Variants in ZNF451 observed in about 807,000 individuals in gnomAD.
ZNF451 encodes the protein zinc finger protein 451.
ZNF451 carries 80 observed loss-of-function variants against 107.1 expected under a neutral mutation model. That is an observed-to-expected ratio of 0.75 (90% CI 0.62 to 0.90). The LOEUF (loss-of-function observed/expected upper bound fraction) is 0.90. Ranked by LOEUF, ZNF451 falls within the 40% of genes least tolerant of loss-of-function variation. The pLI is 0.00. For missense variants in ZNF451, 1,107 were observed against 1,236.2 expected (o/e 0.90, Z 1.57); for synonymous variants, 362 against 406.5 (o/e 0.89, Z 1.32).
rs1187893953 is a variant in ZNF451, at chr6:57,117,309, GT to G, written c.187-7421del. On this transcript the variant is annotated intron_variant, in intron 3 of 14. Coordinates refer to ENST00000370706, the MANE Select transcript of ZNF451 (RefSeq NM_001031623.3). The stretch of plus-strand genomic sequence containing the variant: ...TGAGCTTCATACGGGCACTCAAAAA[GT>G]TTTGGATTTTAGAGCATTTTTTTTT... Among the ~76,000 whole-genome samples the G allele has an allele frequency of 5.3e-3, 704 of 132,230 alleles. 15 individuals are homozygous for G. The highest frequency in any genetic ancestry group is 7.7e-4 in the Non-Finnish European group (49 of 63,686). The allele number at this position is 132,230 out of a possible 152,430, so 86.7% of individuals were successfully genotyped here.
Position 57,161,151 on chromosome 6 carries a change from A to G in ZNF451, c.3138A>G (p.Glu1046=). The G allele has an allele frequency of 2.7e-6, 4 of 1,508,600 alleles. No homozygotes were observed. The highest frequency in any genetic ancestry group is 3.5e-6 in the Non-Finnish European group (4 of 1,127,768). 93.5% of individuals were successfully genotyped at this position (1,508,600 alleles called of 1,614,324 possible). Residue 1046 remains glutamate, a splice_region_variant and synonymous_variant, in exon 14 of 15, where the codon GAA becomes GAG. Coordinates refer to ENST00000370706, the MANE Select transcript of ZNF451 (RefSeq NM_001031623.3). Reference sequence around the variant, plus strand: ...TAGGAGAAGAATTTATATCCACAGAAGGTAACCTAATAGAGTTAATCTCTT... The same window carrying G: ...TAGGAGAAGAATTTATATCCACAGAGGGTAACCTAATAGAGTTAATCTCTT... The part of the protein sequence containing the change: ...TSIGEEFIST[E]DVELEEAIRR...
intron 7 of ZNF451, among the ~76,000 whole-genome samples, chr6:57,137,634 G>T (rs984242343): frequency 6.6e-6 from 1 of 152,078 alleles, no homozygotes; most frequent in Non-Finnish European, 1.5e-5. Context: ...GTGTGATAGT[G>T]GTGGTCGATA....
chr6:57,102,238 A>T, intron 3 of ZNF451: 1 of 1,381,974 alleles, frequency 7.2e-7, no homozygotes. Context: ...TGACATTTGA[A>T]TTCTAGACTT....
chr6:57,168,409 G>GT lies in ZNF451; in HGVS notation c.3140-8dup, dbSNP rs1763996314. The GT allele has an allele frequency of 6.3e-7, 1 of 1,591,840 alleles. No homozygotes were observed. Among genetic ancestry groups the GT allele is most frequent in the South Asian group, 1.1e-5 (1 of 88,966 alleles). On this transcript the variant is annotated splice_polypyrimidine_tract_variant and intron_variant, in intron 14 of 14. Coordinates refer to ENST00000370706, the MANE Select transcript of ZNF451 (RefSeq NM_001031623.3). ...TCTGCCCTAAGTGTTAAAATTCTAT[G>GT]TTTTTTAATGCAGATGTGGAATTAG...
chr6:57,136,551 T>G (rs1831436711), intron 7 of ZNF451, among the ~76,000 whole-genome samples: 1 of 152,138 alleles, frequency 6.6e-6, no homozygotes, highest in Non-Finnish European at 1.5e-5. Flanking sequence ...GGGTTATCCA[T>G]TTCCATGACA....
At chr6:57,129,653 T>C (rs571064798) in intron 5 of ZNF451, among the ~76,000 whole-genome samples, 1 of 152,286 alleles carries the variant, frequency 6.6e-6, no homozygotes, top group Admixed American at 6.5e-5. Flanking sequence ...ATAAAAGAAT[T>C]CTAATAATTT....
chr6:57,108,753 G>A (rs554002872), intron 3 of ZNF451: 1 of 985,326 alleles, frequency 1.0e-6, no homozygotes, highest in Non-Finnish European at 1.2e-6. Flanking sequence ...TGGGAAGGCA[G>A]TAGAAGAAAG....
At position 57,161,121 on chromosome 6, in the gene ZNF451, T is replaced by C. The variant is rs768309499; in HGVS notation, c.3108T>C (p.Thr1036=). The C allele has an allele frequency of 6.4e-7, 1 of 1,559,674 alleles. No homozygotes were observed. The highest frequency in any genetic ancestry group is 8.6e-7 in the Non-Finnish European group (1 of 1,157,900). Residue 1036 remains threonine (T), a synonymous_variant, in exon 14 of 15, where the codon ACT becomes ACC. Transcript: ENST00000370706. ...DSDDNMGAKN[T]SIGEEFISTE... is the part of the protein sequence containing the mutation. ...ATGATAACATGGGTGCCAAAAATAC[T>C]TCAATAGGAGAAGAATTTATATCCA...
intron 3 of ZNF451, chr6:57,101,358 C>A: frequency 6.4e-7 from 1 of 1,550,656 alleles, no homozygotes; most frequent in Non-Finnish European, 8.7e-7. Context: ...TTTTTAAAGA[C>A]CCTGCTGATT....
chr6:57,114,968 CTG>C (rs1389099931), intron 3 of ZNF451: 1 of 152,132 alleles, frequency 6.6e-6, no homozygotes, highest in African/African-American at 2.4e-5. Context: ...CACTTAAAAA[CTG>C]CAAGTGTTGC....
Position 57,141,354 on chromosome 6 carries a change from G to GT in ZNF451, c.759dup (p.Ala254CysfsTer10). On this transcript the variant is annotated frameshift_variant, in exon 8 of 15. Coordinates refer to ENST00000370706, the MANE Select transcript of ZNF451 (RefSeq NM_001031623.3). LOFTEE classifies it high-confidence loss of function. The stretch of plus-strand genomic sequence containing the variant: ...AACCTTCTTCCTCAGATTATTCAGT[G>GT]TTTTGCATGTCCAAATTGCTTCCTT... 2 of 1,613,178 alleles carry GT rather than the reference G, an allele frequency of 1.2e-6. No individual in the cohort carries two copies. Among genetic ancestry groups the GT allele is most frequent in the Non-Finnish European group, 1.7e-6 (2 of 1,179,560 alleles).
intron 13 of ZNF451, among the ~76,000 whole-genome samples, chr6:57,155,447 T>C (rs375305916): frequency 1.9e-4 from 29 of 152,254 alleles, no homozygotes; most frequent in African/African-American, 6.7e-4. Flanking sequence ...GATTGCACCA[T>C]TGCGCTCCAG....
In ZNF451 at chr6:57,124,734, G is replaced by A. The variant is rs1475517070; in HGVS notation, c.187G>A (p.Glu63Lys). 1.3e-6 allele frequency: 2 copies of A among 1,580,884 alleles called. No individual in the cohort carries two copies. The highest frequency in any genetic ancestry group is 1.7e-6 in the Non-Finnish European group (2 of 1,152,884). ...AATGAAAATTTTTTTCATGTTATAG[G>A]AGAATATTAAACGTAAAGACCATAT... Reference protein sequence around the residue: ...DEEPSTSYTDENIKRKDHIDY... With the variant: ...DEEPSTSYTDKNIKRKDHIDY... The change falls in exon 4 of 15, where the codon GAG becomes AAG. Residue 63 changes from glutamate to lysine, a missense_variant and splice_region_variant. By Grantham distance (56) the Glu-to-Lys change is moderately conservative. Transcript: ENST00000370706.
At chr6:57,108,827 A>G in intron 3 of ZNF451, 1 of 985,406 alleles carries the variant, frequency 1.0e-6, no homozygotes, top group Non-Finnish European at 1.2e-6. Context: ...CTTGAGAGAA[A>G]TTCATTCTTA....
intron 3 of ZNF451, chr6:57,109,625 C>T: frequency 5.1e-6 from 5 of 985,294 alleles, no homozygotes; most frequent in Non-Finnish European, 6.0e-6. Context: ...TCATTTCATG[C>T]CATGTGATCA....
chr6:57,140,648 G>GT (rs1831707055), intron 7 of ZNF451, among the ~76,000 whole-genome samples: 1 of 150,794 alleles, frequency 6.6e-6, no homozygotes, highest in African/African-American at 2.5e-5. Context: ...TATTTCTAGT[G>GT]GGAAAAAAAA....
chr6:57,127,291 G>A (rs993387569), intron 4 of ZNF451, among the ~76,000 whole-genome samples: 2 of 152,070 alleles, frequency 1.3e-5, no homozygotes, highest in Non-Finnish European at 2.9e-5. Context: ...TGAAAGTAAC[G>A]TTTTAAATTT....
chr6:57,099,030 A>G (rs1156671784), intron 2 of ZNF451, 31 bp from the exon 3 acceptor site: 5 of 1,580,302 alleles, frequency 3.2e-6, no homozygotes, highest in South Asian at 1.1e-5. Context: ...ATAACTGTTA[A>G]TGACTTCTAA....
In ZNF451 at chr6:57,168,895, T is replaced by TGAAA. The variant is rs1764017215; in HGVS notation, c.*426_*427insGAAA. ...ATAAAAAAGGTGACATAGGTCAAGT[T>TGAAA]TTCCATAAATTCTACTTCTCATGTG... On this transcript the variant is annotated 3_prime_UTR_variant, in exon 15 of 15. Coordinates refer to ENST00000370706, the MANE Select transcript of ZNF451 (RefSeq NM_001031623.3). The TGAAA allele has an allele frequency of 6.4e-6, 1 of 155,902 alleles. No individual in the cohort carries two copies. Among genetic ancestry groups the TGAAA allele is most frequent in the Non-Finnish European group, 1.4e-5 (1 of 70,794 alleles). The allele number at this position is 155,902 out of a possible 1,614,324, so 9.7% of individuals were successfully genotyped here.
Sources: allele counts gnomAD v4.1 joint callset (sites outside exome capture counted in the v4.1 genomes callset), GRCh38; gene constraint gnomAD v4.1.1; transcripts MANE v1.5; gene names NCBI Gene and HGNC (gene_info 2026-07-23, HGNC 2026-07-21).